The following DIP2B variants were observed in gnomAD, a reference collection of about 807,000 sequenced individuals.
DIP2B encodes disco-interacting protein 2 homolog B.
DIP2B carries 76 observed loss-of-function variants against 198.0 expected under a neutral mutation model. The ratio of observed to expected loss-of-function variants is 0.38; its 90% confidence interval spans 0.32 to 0.46. The LOEUF (loss-of-function observed/expected upper bound fraction) is 0.46, where lower values mean the gene tolerates loss of function less well. DIP2B is among the 20% of genes least tolerant of loss of function. The pLI, the probability that DIP2B is intolerant of heterozygous loss-of-function variation, is 0.99. For synonymous variants in DIP2B, 701 were observed against 739.1 expected (o/e 0.95, Z 0.84); for missense variants, 1,559 against 1,978.4 (o/e 0.79, Z 4.02).
rs1329833065 is a variant in DIP2B at position 50,723,243 on chromosome 12, G to C, written c.3208G>C (p.Gly1070Arg). The C allele has an allele frequency of 6.2e-7, 1 of 1,614,124 alleles. No homozygotes were observed. Among genetic ancestry groups the C allele is most frequent in the Non-Finnish European group, 8.5e-7 (1 of 1,180,032 alleles). The change falls in exon 27 of 38, where the codon GGC becomes CGC. Residue 1070 changes from glycine to arginine, a missense_variant. By Grantham distance (125) the Gly-to-Arg change is moderately radical (BLOSUM62 -2). Transcript: ENST00000301180. Reference sequence around the variant, plus strand: ...CGCCTTCTATGGCTGCCTGTATGCGGGCTGTATACCTGTGACCGTCAGACC... The same window carrying C: ...CGCCTTCTATGGCTGCCTGTATGCGCGCTGTATACCTGTGACCGTCAGACC... ...IAAFYGCLYA[G>R]CIPVTVRPPH...
At chr12:50,571,543 T>G (rs1958613712) in intron 1 of DIP2B, among the ~76,000 whole-genome samples, 1 of 136,402 alleles carries the variant, frequency 7.3e-6, no homozygotes. Context: ...CTTTGAAACC[T>G]AGGCGTTTTT....
At chr12:50,615,276 C>T (rs1937677620) in intron 1 of DIP2B, among the ~76,000 whole-genome samples, 1 of 150,746 alleles carries the variant, frequency 6.6e-6, no homozygotes, top group African/African-American at 2.4e-5. Flanking sequence ...CTTTTTTTTT[C>T]TAGAAGTTTG....
At chr12:50,570,294 T>C (rs1262543759) in intron 1 of DIP2B, among the ~76,000 whole-genome samples, 1 of 152,236 alleles carries the variant, frequency 6.6e-6, no homozygotes, top group East Asian at 1.9e-4. Flanking sequence ...TGTGTATATA[T>C]GTATATTTGA....
chr12:50,549,396 G>C (rs1368830961), intron 1 of DIP2B, among the ~76,000 whole-genome samples: 2 of 152,124 alleles, frequency 1.3e-5, no homozygotes, highest in Non-Finnish European at 2.9e-5. Flanking sequence ...CCGGCATGGT[G>C]GCGGGTGCCT....
intron 4 of DIP2B, 31 bp from the exon 5 acceptor site, chr12:50,671,155 C>G (rs371530693): frequency 6.2e-7 from 1 of 1,607,618 alleles, no homozygotes; most frequent in East Asian, 2.2e-5. Flanking sequence ...TAGGTAGGAT[C>G]GAGAACTTCT....
intron 1 of DIP2B, among the ~76,000 whole-genome samples, chr12:50,531,783 T>C (rs567901610): frequency 6.6e-6 from 1 of 152,218 alleles, no homozygotes; most frequent in Non-Finnish European, 1.5e-5. Flanking sequence ...GTTCTTTGTC[T>C]CTCTCCTCAC....
chr12:50,606,373 T>G (rs1489005696), intron 1 of DIP2B, among the ~76,000 whole-genome samples: 1 of 152,080 alleles, frequency 6.6e-6, no homozygotes, highest in East Asian at 1.9e-4. Context: ...CCTCCTACCT[T>G]GACTTCCCAA....
At chr12:50,518,642 T>C (rs899547481) in intron 1 of DIP2B, among the ~76,000 whole-genome samples, 1 of 152,232 alleles carries the variant, frequency 6.6e-6, no homozygotes, top group South Asian at 2.1e-4. Flanking sequence ...CACACAGCCA[T>C]TTTGACCTCC....
chr12:50,505,012 G>C lies in DIP2B; in HGVS notation c.-129G>C, dbSNP rs1957952227. 3 of 933,890 alleles carry C rather than the reference G, an allele frequency of 3.2e-6. No individual in the cohort carries two copies. The African/African-American group carries it at 5.2e-5, about 16-fold the overall frequency. 57.9% of individuals were successfully genotyped at this position (933,890 alleles called of 1,614,324 possible). ...GTGACCTTTGCTCATGGCGGCGGCGGCGGCGGCGGCGGTGCTGGTGGTGCT... is the reference window on the plus strand; with the variant it reads ...GTGACCTTTGCTCATGGCGGCGGCGCCGGCGGCGGCGGTGCTGGTGGTGCT... On this transcript the variant is annotated 5_prime_UTR_variant, in exon 1 of 38. Coordinates refer to ENST00000301180, the MANE Select transcript of DIP2B (RefSeq NM_173602.3).
intron 2 of DIP2B, among the ~76,000 whole-genome samples, chr12:50,627,520 G>A (rs557547539): frequency 3.4e-4 from 52 of 152,118 alleles, no homozygotes; most frequent in African/African-American, 1.2e-3. Context: ...GTAGAGTTGG[G>A]GTCTCACTTT....
Position 50,546,613 on chromosome 12 carries a change from G to A in DIP2B, c.100+41373G>A, listed in dbSNP as rs569000774. Among the ~76,000 whole-genome samples the A allele has an allele frequency of 2.3e-4, 35 of 152,266 alleles. No individual in the cohort carries two copies. In the South Asian group the frequency reaches 6.8e-3, roughly 30 times the overall value. On this transcript the variant is annotated intron_variant, in intron 1 of 37. Coordinates refer to ENST00000301180, the MANE Select transcript of DIP2B (RefSeq NM_173602.3). ...AATGTCCTTATCTGGAAAATAGGAGGTCACATTCTTGCTAGGATTAAATAC... is the reference window on the plus strand; with the variant it reads ...AATGTCCTTATCTGGAAAATAGGAGATCACATTCTTGCTAGGATTAAATAC...
chr12:50,558,251 T>A (rs1958488253), intron 1 of DIP2B, among the ~76,000 whole-genome samples: 1 of 152,162 alleles, frequency 6.6e-6, no homozygotes, highest in African/African-American at 2.4e-5. Flanking sequence ...ATGATCTAGT[T>A]CAGAAACTTT....
At chr12:50,507,578 G>A (rs1231969735) in intron 1 of DIP2B, among the ~76,000 whole-genome samples, 1 of 152,080 alleles carries the variant, frequency 6.6e-6, no homozygotes, top group Non-Finnish European at 1.5e-5. Context: ...TTGAGATGGA[G>A]TCTCACACTG....
rs142825444 is a variant in DIP2B at position 50,714,013 on chromosome 12, G to A, written c.2650-382G>A. Reference sequence around the variant, plus strand: ...GCTTCTTGGGAGGTTGAGGCAGGAGGATCACTTGAGCTTAGGAATTTGGGG... The same window carrying A: ...GCTTCTTGGGAGGTTGAGGCAGGAGAATCACTTGAGCTTAGGAATTTGGGG... On this transcript the variant is annotated intron_variant, in intron 22 of 37. Coordinates refer to ENST00000301180, the MANE Select transcript of DIP2B (RefSeq NM_173602.3). Among the ~76,000 whole-genome samples, 506 of 152,354 alleles carry A rather than the reference G, an allele frequency of 3.3e-3. 1 individual carries two copies. Among genetic ancestry groups the A allele is most frequent in the Non-Finnish European group, 5.6e-3 (378 of 68,036 alleles).
chr12:50,577,606 A>G lies in DIP2B; in HGVS notation c.101-48370A>G, dbSNP rs1333398646. ...TATCCTAAATAACAATAATAAATTT[A>G]TTATATTTATATATAATACACTTTT... On this transcript the variant is annotated intron_variant, in intron 1 of 37. Coordinates refer to ENST00000301180, the MANE Select transcript of DIP2B (RefSeq NM_173602.3). 1.3e-5 allele frequency among the ~76,000 whole-genome samples: 2 copies of G among 151,210 alleles called. 1 individual carries two copies. Among genetic ancestry groups the G allele is most frequent in the Middle Eastern group, 6.4e-3 (2 of 314 alleles).
chr12:50,588,703 A>T (rs527351857), intron 1 of DIP2B, among the ~76,000 whole-genome samples: 1 of 152,126 alleles, frequency 6.6e-6, no homozygotes, highest in Non-Finnish European at 1.5e-5. Context: ...GCTGGATTCT[A>T]TATTTACAGC....
intron 12 of DIP2B, 106 bp from the exon 13 acceptor site, chr12:50,690,943 C>T: frequency 1.2e-6 from 1 of 842,066 alleles, no homozygotes; most frequent in Non-Finnish European, 1.9e-6. Context: ...ATGTTAAATT[C>T]AGCCCATTAT....
At chr12:50,619,025 TC>T (rs375598220) in intron 1 of DIP2B, among the ~76,000 whole-genome samples, 179 of 152,200 alleles carry the variant, frequency 1.2e-3, no homozygotes, top group African/African-American at 4.2e-3. Flanking sequence ...TTTCTTTCCT[TC>T]CCAAAGTCCC....
At chr12:50,542,294 A>G (rs1335686068) in intron 1 of DIP2B, among the ~76,000 whole-genome samples, 1 of 152,012 alleles carries the variant, frequency 6.6e-6, no homozygotes, top group Non-Finnish European at 1.5e-5. Flanking sequence ...AAATCTCAAA[A>G]TCTCATAAAG....
Sources: allele counts gnomAD v4.1 joint callset (sites outside exome capture counted in the v4.1 genomes callset), GRCh38; gene constraint gnomAD v4.1.1; transcripts MANE v1.5; gene names NCBI Gene and HGNC (gene_info 2026-07-23, HGNC 2026-07-21).